TBC1D5: variants seen among roughly 807,000 people sequenced by gnomAD.
The protein encoded by TBC1D5 is TBC1 domain family member 5, also known as TBC1 domain family, member 5.
A neutral mutation model predicts 100.3 loss-of-function variants in TBC1D5; 75 were observed. The observed-to-expected ratio is 0.75, with a 90% confidence interval of 0.62 to 0.91. The LOEUF is 0.91. TBC1D5 is among the 40% of genes least tolerant of loss of function. The probability of loss-of-function intolerance (pLI) is 0.00; values close to 1 mark genes in which losing one functional copy is unlikely to be tolerated. For synonymous variants in TBC1D5, 323 were observed against 325.6 expected (o/e 0.99, Z 0.09); for missense variants, 910 against 942.4 (o/e 0.97, Z 0.45).
At chr3:17,322,922 G>A (rs1267832841) in intron 13 of TBC1D5, among the ~76,000 whole-genome samples, 8 of 152,170 alleles carry the variant, frequency 5.3e-5, no homozygotes, top group Non-Finnish European at 8.8e-5. Context: ...CCCGACAGGT[G>A]CCATCGTGCC....
At chr3:17,228,383 T>A (rs2075116624) in intron 17 of TBC1D5, among the ~76,000 whole-genome samples, 1 of 152,206 alleles carries the variant, frequency 6.6e-6, no homozygotes, top group African/African-American at 2.4e-5. Flanking sequence ...ATGCTCTCCG[T>A]AGACATAAAC....
chr3:17,212,210 C>T (rs2073063606), intron 18 of TBC1D5, among the ~76,000 whole-genome samples: 1 of 152,124 alleles, frequency 6.6e-6, no homozygotes, highest in Non-Finnish European at 1.5e-5. Flanking sequence ...CAGTCATGTG[C>T]CACATAATGA....
chr3:17,488,609 T>A (rs1215861392), intron 3 of TBC1D5, among the ~76,000 whole-genome samples: 1 of 152,042 alleles, frequency 6.6e-6, no homozygotes, highest in Admixed American at 6.6e-5. Context: ...TAAATAAGAG[T>A]TTCTGTTGCT....
At chr3:17,243,273 T>C (rs1456332990) in intron 16 of TBC1D5, among the ~76,000 whole-genome samples, 1 of 152,204 alleles carries the variant, frequency 6.6e-6, no homozygotes. Flanking sequence ...TTGAAAATTA[T>C]ACTATTTTGT....
At chr3:17,281,192 T>C (rs1335481795) in intron 15 of TBC1D5, among the ~76,000 whole-genome samples, 2 of 152,230 alleles carry the variant, frequency 1.3e-5, no homozygotes, top group African/African-American at 2.4e-5. Flanking sequence ...CCAAGACTTC[T>C]GAAAGATGGT....
rs575251130 is a variant in TBC1D5 at position 17,536,714 on chromosome 3, C to A, written c.-35-28109G>T. Among the ~76,000 whole-genome samples, 8 of 152,174 alleles carry A rather than the reference C, an allele frequency of 5.3e-5. No individual in the cohort carries two copies. The South Asian group carries it at 1.5e-3, about 28-fold the overall frequency. ...AGGAGTTACAGGCAAAGACATAAAT[C>A]AATACTTGGAAGGTATACACTGATT... On this transcript the variant is annotated intron_variant, in intron 2 of 21. Transcript: ENST00000253692.
chr3:17,416,751 G>T (rs758593334), intron 4 of TBC1D5, among the ~76,000 whole-genome samples: 1 of 151,880 alleles, frequency 6.6e-6, no homozygotes, highest in East Asian at 1.9e-4. Context: ...CCCTTCCCCT[G>T]CCTCCACCCA....
At chr3:17,307,898 T>C (rs1490458904) in intron 14 of TBC1D5, 94 bp downstream of exon 14, 1 of 1,506,386 alleles carries the variant, frequency 6.6e-7, no homozygotes, top group Non-Finnish European at 8.9e-7. Flanking sequence ...TACATGCAAA[T>C]CAAATAATAA....
At chr3:17,593,995 C>T (rs187993427) in intron 2 of TBC1D5, among the ~76,000 whole-genome samples, 5 of 152,260 alleles carry the variant, frequency 3.3e-5, no homozygotes, top group Admixed American at 1.3e-4. Flanking sequence ...CCTAGTGATC[C>T]ACTAGCAAAA....
chr3:17,395,017 A>G (rs570600011), intron 8 of TBC1D5, among the ~76,000 whole-genome samples: 2 of 152,228 alleles, frequency 1.3e-5, no homozygotes, highest in East Asian at 3.9e-4. Flanking sequence ...GCAGCAGAAA[A>G]ATCTCCAAGA....
At chr3:17,289,470 C>A (rs778176265) in intron 15 of TBC1D5, among the ~76,000 whole-genome samples, 5 of 151,994 alleles carry the variant, frequency 3.3e-5, no homozygotes, top group Non-Finnish European at 2.9e-5. Context: ...CCCATATCTA[C>A]TAAAAATACA....
chr3:17,606,316 G>A (rs1015083604), intron 2 of TBC1D5, among the ~76,000 whole-genome samples: 7 of 152,132 alleles, frequency 4.6e-5, no homozygotes, highest in South Asian at 2.1e-4. Flanking sequence ...GGTGGCATGC[G>A]CCTGGGGTTC....
chr3:17,601,392 T>C (rs1309341870), intron 2 of TBC1D5, among the ~76,000 whole-genome samples: 3 of 152,144 alleles, frequency 2.0e-5, no homozygotes, highest in Non-Finnish European at 2.9e-5. Context: ...ATGCCTGTAA[T>C]CCCAGCTACT....
intron 3 of TBC1D5, among the ~76,000 whole-genome samples, chr3:17,483,018 T>G (rs2095518750): frequency 6.6e-6 from 1 of 152,194 alleles, no homozygotes; most frequent in African/African-American, 2.4e-5. Flanking sequence ...AAGGCCAGAT[T>G]GTGCATAAAT....
intron 13 of TBC1D5, chr3:17,338,354 C>T (rs893377588): frequency 2.2e-4 from 33 of 152,194 alleles, no homozygotes; most frequent in African/African-American, 7.2e-4. Context: ...AAAACTATGA[C>T]TACTTATATA....
rs535910535 is a variant in TBC1D5, at chr3:17,630,985, A to T, written c.-100-7072T>A. ...TGTGAACCCGGGAGGCAGACGTTGC[A>T]GTGAGCCGAGATGGCACCACTGCAC... On this transcript the variant is annotated intron_variant, in intron 1 of 21. Transcript: ENST00000253692. Among the ~76,000 whole-genome samples, 7 of 149,436 alleles carry T rather than the reference A, an allele frequency of 4.7e-5. No individual in the cohort carries two copies. In the East Asian group the frequency reaches 1.2e-3, roughly 25 times the overall value.
intron 1 of TBC1D5, among the ~76,000 whole-genome samples, chr3:17,678,221 G>C (rs1263161070): frequency 1.3e-5 from 2 of 152,068 alleles, no homozygotes; most frequent in African/African-American, 4.8e-5. Flanking sequence ...CAATAAACTA[G>C]TAATTATAAT....
At chr3:17,315,432 GC>G (rs2084575420) in intron 13 of TBC1D5, among the ~76,000 whole-genome samples, 1 of 152,342 alleles carries the variant, frequency 6.6e-6, no homozygotes, top group East Asian at 1.9e-4. Context: ...GATACTGGGA[GC>G]GCAGCTGAAT....
intron 15 of TBC1D5, among the ~76,000 whole-genome samples, chr3:17,268,816 T>G (rs2079082502): frequency 6.6e-6 from 1 of 152,092 alleles, no homozygotes; most frequent in Admixed American, 6.6e-5. Flanking sequence ...TTCGGGGGCT[T>G]GATGCCTTTT....
Sources: gnomAD v4.1 joint callset for allele counts (sites outside exome capture counted in the v4.1 genomes callset) on GRCh38, gnomAD v4.1.1 for gene constraint, MANE v1.5 for transcripts, NCBI Gene and HGNC (gene_info 2026-07-23, HGNC 2026-07-21) for gene names.